AAGAB: variants seen among roughly 807,000 people sequenced by gnomAD.
AAGAB encodes alpha- and gamma-adaptin-binding protein p34.
AAGAB carries 38 observed loss-of-function variants against 44.1 expected under a neutral mutation model. The ratio of observed to expected loss-of-function variants is 0.86; its 90% CI spans 0.67 to 1.13. The LOEUF (loss-of-function observed/expected upper bound fraction) is 1.13, where lower values mean the gene tolerates loss of function less well. Ranked by LOEUF, AAGAB falls within the 50% of genes most tolerant of loss-of-function variation. The pLI is 0.00. For synonymous variants in AAGAB, 131 were observed against 131.8 expected, an observed-to-expected ratio of 0.99 and a Z score of 0.04; for missense variants, 450 against 373.8, an observed-to-expected ratio of 1.20 and a Z score of -1.68.
chr15:67,209,156 A>G (rs1018169546), intron 6 of AAGAB, among the ~76,000 whole-genome samples: 10 of 152,230 alleles, frequency 6.6e-5, no homozygotes, highest in African/African-American at 2.2e-4. Context: ...TCTTTTACAC[A>G]GGAAGTACTA....
At chr15:67,223,471 A>T (rs900737694) in intron 5 of AAGAB, among the ~76,000 whole-genome samples, 5 of 152,148 alleles carry the variant, frequency 3.3e-5, no homozygotes, top group Admixed American at 1.3e-4. Flanking sequence ...TCTTTTTCTC[A>T]TATCTCATAT....
At chr15:67,234,703 A>T (rs1013605742) in intron 4 of AAGAB, among the ~76,000 whole-genome samples, 1 of 152,242 alleles carries the variant, frequency 6.6e-6, no homozygotes, top group South Asian at 2.1e-4. Context: ...AGATTCCAAA[A>T]TGATAACAGT....
chr15:67,243,130 AAAT>A, intron 1 of AAGAB, among the ~76,000 whole-genome samples: 1 of 151,970 alleles, frequency 6.6e-6, no homozygotes, highest in East Asian at 1.9e-4. Flanking sequence ...CTTCATCTTA[AAAT>A]AATTGGGGAA....
At chr15:67,236,170 A>G in intron 3 of AAGAB, 102 bp from the exon 4 acceptor site, 1 of 984,094 alleles carries the variant, frequency 1.0e-6, no homozygotes, top group African/African-American at 1.6e-5. Flanking sequence ...CCTTAATGTC[A>G]ATGTTATTCT....
chr15:67,211,317 G>A (rs1332833443), intron 5 of AAGAB, among the ~76,000 whole-genome samples: 1 of 152,200 alleles, frequency 6.6e-6, no homozygotes, highest in Non-Finnish European at 1.5e-5. Context: ...AGAGGTTCAT[G>A]TGTACTCCTG....
chr15:67,239,617 A>C (rs1230825971), intron 1 of AAGAB, among the ~76,000 whole-genome samples: 3 of 152,198 alleles, frequency 2.0e-5, no homozygotes, highest in African/African-American at 4.8e-5. Context: ...TTAACATTTT[A>C]TGTCTAATCA....
intron 5 of AAGAB, chr15:67,226,945 A>G: frequency 7.2e-6 from 2 of 276,490 alleles, no homozygotes; most frequent in African/African-American, 2.3e-5. Context: ...ATCAATGTCC[A>G]AGAAACTGCA....
intron 5 of AAGAB, among the ~76,000 whole-genome samples, chr15:67,212,991 T>C (rs1005938608): frequency 2.6e-5 from 4 of 152,230 alleles, no homozygotes; most frequent in African/African-American, 4.8e-5. Context: ...GGCTCTAGCA[T>C]CTATGGTTTT....
intron 1 of AAGAB, among the ~76,000 whole-genome samples, chr15:67,248,994 G>C (rs775432826): frequency 3.2e-4 from 49 of 152,050 alleles, no homozygotes; most frequent in Non-Finnish European, 6.0e-4. Flanking sequence ...AAGTTAAGAA[G>C]CATTATATAA....
At chr15:67,241,191 TTG>T (rs1428538447) in intron 1 of AAGAB, among the ~76,000 whole-genome samples, 1 of 152,212 alleles carries the variant, frequency 6.6e-6, no homozygotes, top group Non-Finnish European at 1.5e-5. Context: ...TATGGATTTT[TTG>T]TGTCTCCTTC....
At chr15:67,212,885 T>C (rs1963856831) in intron 5 of AAGAB, among the ~76,000 whole-genome samples, 2 of 152,234 alleles carry the variant, frequency 1.3e-5, no homozygotes. Flanking sequence ...ATAAATCTTT[T>C]CGTGCTTGCT....
intron 1 of AAGAB, among the ~76,000 whole-genome samples, chr15:67,241,536 G>C (rs564054670): frequency 6.6e-6 from 1 of 152,026 alleles, no homozygotes; most frequent in Non-Finnish European, 1.5e-5. Context: ...CAGTACTAAC[G>C]AGAAGGGAGA....
chr15:67,209,528 A>T lies in AAGAB; in HGVS notation c.552T>A (p.Phe184Leu), dbSNP rs1963762159. ...VVMKNDRNQG[F>L]SLLNSLTGTN... ...TTCCAGTCAATGAGTTGAGAAGGCT[A>T]AAGCCTTGGTTCCTATCTGAAAAGG... The change falls in exon 6 of 10, where the codon TTT becomes TTA. Residue 184 changes from phenylalanine to leucine, a missense_variant. Transcript: ENST00000261880. The T allele has an allele frequency of 6.2e-7, 1 of 1,613,920 alleles. No individual in the cohort carries two copies. Among genetic ancestry groups the T allele is most frequent in the Admixed American group, 1.7e-5 (1 of 60,012 alleles).
rs1354958199 is a variant in AAGAB at position 67,253,853 on chromosome 15, A to G, written c.73+706T>C. Among the ~76,000 whole-genome samples, 3 of 152,182 alleles carry G rather than the reference A, an allele frequency of 2.0e-5. No homozygotes were observed. The East Asian group carries it at 5.8e-4, about 29-fold the overall frequency. ...TCACTGCTCTGATTCTAAGCCATAC[A>G]CTTAAAACAGAAGTCTTGAGTTACC... is the stretch of plus-strand genomic sequence containing the variant. On this transcript the variant is annotated intron_variant, in intron 1 of 9. Transcript: ENST00000261880.
At chr15:67,230,250 G>A (rs1567024296) in intron 5 of AAGAB, among the ~76,000 whole-genome samples, 2 of 152,122 alleles carry the variant, frequency 1.3e-5, no homozygotes, top group African/African-American at 4.8e-5. Context: ...TATACAGGAA[G>A]CAATTCCTAA....
intron 7 of AAGAB, among the ~76,000 whole-genome samples, chr15:67,204,461 T>C (rs1963641257): frequency 6.6e-6 from 1 of 152,164 alleles, no homozygotes; most frequent in Non-Finnish European, 1.5e-5. Context: ...GACGCAGGTG[T>C]TTCCAACTCG....
chr15:67,254,600 G>C lies in AAGAB; in HGVS notation c.32C>G (p.Thr11Ser), dbSNP rs771204932. Residue 11 changes from threonine to serine, a missense_variant, in exon 1 of 10, where the codon ACC (threonine) becomes AGC (serine). Transcript: ENST00000261880. ...TCCTGAGAAGACGGAGGAGCAGCTG[G>C]TGACTAACGCACAGGGTACGCCAGC... is the stretch of plus-strand genomic sequence containing the variant. MAAGVPCALV[T>S]SCSSVFSGDQ... 1.9e-6 allele frequency: 3 copies of C among 1,609,418 alleles called. No homozygotes were observed. The East Asian group carries it at 6.7e-5, about 36-fold the overall frequency.
intron 5 of AAGAB, among the ~76,000 whole-genome samples, chr15:67,225,387 C>A (rs1170768632): frequency 6.6e-6 from 1 of 152,044 alleles, no homozygotes; most frequent in African/African-American, 2.4e-5. Flanking sequence ...TCATTTCCTT[C>A]TTTTCTTTCT....
intron 1 of AAGAB, among the ~76,000 whole-genome samples, chr15:67,246,896 TG>T (rs1374939844): frequency 6.6e-6 from 1 of 152,252 alleles, no homozygotes; most frequent in Non-Finnish European, 1.5e-5. Flanking sequence ...GAATAAAAGC[TG>T]GCCACCCAAG....
Sources: gnomAD v4.1 joint callset for allele counts (sites outside exome capture counted in the v4.1 genomes callset) on GRCh38, gnomAD v4.1.1 for gene constraint, MANE v1.5 for transcripts, NCBI Gene and HGNC (gene_info 2026-07-23, HGNC 2026-07-21) for gene names.